The following LRRC38 variants were observed in gnomAD, a reference collection of about 807,000 sequenced individuals.
The protein encoded by LRRC38 is leucine rich repeat containing 38.
LRRC38 carries 5 observed loss-of-function variants against 16.4 expected under a neutral mutation model. That is an observed-to-expected ratio of 0.31 (90% confidence interval 0.16 to 0.64). The LOEUF is 0.64. LRRC38 is among the 30% of genes least tolerant of loss of function. The pLI is 0.80. For synonymous variants in LRRC38, 191 were observed against 190.2 expected (o/e 1.00, Z -0.04); for missense variants, 341 against 401.8 (o/e 0.85, Z 1.29).
At chr1:13,505,929 G>A (rs76751934) in intron 1 of LRRC38, among the ~76,000 whole-genome samples, 5,336 of 98,774 alleles carry the variant, frequency 0.054, 144 homozygotes, top group East Asian at 0.36. Flanking sequence ...AAGTGATAAG[G>A]AGGGGCCCGT....
chr1:13,512,922 C>CCCCCCCA, intron 1 of LRRC38, 41 bp downstream of exon 1: 3 of 1,218,340 alleles, frequency 2.5e-6, no homozygotes, highest in Non-Finnish European at 3.4e-6. Context: ...CCTCTCCCTG[C>CCCCCCCA]CCCCCTCCCT....
chr1:13,508,644 C>T (rs1424600405), intron 1 of LRRC38, among the ~76,000 whole-genome samples: 2 of 152,202 alleles, frequency 1.3e-5, no homozygotes, highest in African/African-American at 4.8e-5. Context: ...TTCGGCATTT[C>T]CCCAGTCTAA....
At chr1:13,505,936 C>CCGTCTGGGCTGTGGGGGGGAGCT (rs1639207215) in intron 1 of LRRC38, among the ~76,000 whole-genome samples, 1 of 149,120 alleles carries the variant, frequency 6.7e-6, no homozygotes, top group African/African-American at 2.5e-5. Flanking sequence ...AAGGAGGGGC[C>CCGTCTGGGCTGTGGGGGGGAGCT]CGTCTGGGCT....
Position 13,495,639 on chromosome 1 carries a change from G to A in LRRC38, c.631+17324C>T, listed in dbSNP as rs144645943. On this transcript the variant is annotated intron_variant, in intron 1 of 1. Transcript: ENST00000376085. Reference sequence around the variant, plus strand: ...AGAATCACAGGACTCAAGCACCCTGGGCAGAAATCCCACCCAACACCTGAT... The same window carrying A: ...AGAATCACAGGACTCAAGCACCCTGAGCAGAAATCCCACCCAACACCTGAT... Among the ~76,000 whole-genome samples, 187 of 152,076 alleles carry A rather than the reference G, an allele frequency of 1.2e-3. 1 individual carries two copies. Among genetic ancestry groups the A allele is most frequent in the African/African-American group, 4.3e-3 (180 of 41,470 alleles).
At chr1:13,485,683 C>T (rs2100495964) in intron 1 of LRRC38, among the ~76,000 whole-genome samples, 1 of 152,278 alleles carries the variant, frequency 6.6e-6, no homozygotes, top group South Asian at 2.1e-4. Flanking sequence ...GTTTGGGGCC[C>T]ATGCTACCTC....
At chr1:13,506,443 A>T (rs973188795) in intron 1 of LRRC38, among the ~76,000 whole-genome samples, 2 of 151,952 alleles carry the variant, frequency 1.3e-5, no homozygotes, top group Admixed American at 1.3e-4. Flanking sequence ...GTCCTGATGC[A>T]TTTCTTTTTC....
intron 1 of LRRC38, among the ~76,000 whole-genome samples, chr1:13,482,701 T>C (rs984590391): frequency 2.6e-5 from 4 of 151,940 alleles, no homozygotes; most frequent in African/African-American, 9.7e-5. Context: ...ATGCGGCACA[T>C]GGAGGTGACC....
chr1:13,476,361 C>T (rs1386005286), intron 1 of LRRC38, among the ~76,000 whole-genome samples: 8 of 151,758 alleles, frequency 5.3e-5, no homozygotes, highest in African/African-American at 1.2e-4. Context: ...GTTTTTGAGA[C>T]GGAGTCTCTG....
At chr1:13,491,274 G>A (rs551160616) in intron 1 of LRRC38, among the ~76,000 whole-genome samples, 12 of 152,298 alleles carry the variant, frequency 7.9e-5, no homozygotes, top group East Asian at 3.9e-4. Context: ...CGCAGCAGCC[G>A]TGCTGAGCAT....
At position 13,513,015 on chromosome 1, in the gene LRRC38, G is replaced by GTCACAGTC. The variant is rs746772387; in HGVS notation, c.571_578dup (p.Asp193GlufsTer131). 6.5e-7 allele frequency: 1 copy of GTCACAGTC among 1,549,442 alleles called. No individual in the cohort carries two copies. The highest frequency in any genetic ancestry group is 1.2e-5 in the South Asian group (1 of 83,952). ...GGATCCAGGAGAAGAGGTGGGCGAA[G>GTCACAGTC]TCACAGTCGCACAGCCAGGGGTTCC... is the stretch of plus-strand genomic sequence containing the variant. On this transcript the variant is annotated frameshift_variant, in exon 1 of 2. Coordinates refer to ENST00000376085, the MANE Select transcript of LRRC38 (RefSeq NM_001010847.2). LOFTEE classifies it high-confidence loss of function.
At chr1:13,485,964 G>C (rs939320147) in intron 1 of LRRC38, among the ~76,000 whole-genome samples, 1 of 152,032 alleles carries the variant, frequency 6.6e-6, no homozygotes, top group Non-Finnish European at 1.5e-5. Flanking sequence ...ACGGAGTCTC[G>C]CTCTGTCACC....
Position 13,493,730 on chromosome 1 carries a change from G to C in LRRC38, c.632-17631C>G, listed in dbSNP as rs79406002. On this transcript the variant is annotated intron_variant, in intron 1 of 1. Transcript: ENST00000376085. ...GAGGAGTGCTGGAAGCCTCTAACCT[G>C]GAAAGGCAAAAGGACACAGATGTCG... Among the ~76,000 whole-genome samples the C allele has an allele frequency of 7.3e-3, 1,113 of 152,250 alleles. 16 individuals are homozygous for C. Among genetic ancestry groups the C allele is most frequent in the African/African-American group, 0.026 (1,071 of 41,536 alleles).
At position 13,513,481 on chromosome 1, in the gene LRRC38, T is replaced by C; in HGVS notation, c.113A>G (p.His38Arg). The C allele has an allele frequency of 6.5e-7, 1 of 1,538,634 alleles. No individual in the cohort carries two copies. The highest frequency in any genetic ancestry group is 2.5e-5 in the East Asian group (1 of 40,664). ...CPAGCACTDPHTVDCRDRGLP... is the reference protein window; with the variant it reads ...CPAGCACTDPRTVDCRDRGLP... ...CCCGCGGTCGCGGCAGTCCACGGTG[T>C]GCGGGTCGGTGCAGGCGCAGCCCGC... The change falls in exon 1 of 2, where the codon CAC becomes CGC. Residue 38 changes from histidine to arginine, a missense_variant. By Grantham distance (29) the His-to-Arg change is conservative. Coordinates refer to ENST00000376085, the MANE Select transcript of LRRC38 (RefSeq NM_001010847.2).
intron 1 of LRRC38, among the ~76,000 whole-genome samples, chr1:13,505,076 G>C (rs1325386096): frequency 6.6e-6 from 1 of 152,138 alleles, no homozygotes; most frequent in Admixed American, 6.5e-5. Context: ...GATGACATTG[G>C]TTTGTTTCTG....
rs997933387 is a variant in LRRC38 at position 13,487,601 on chromosome 1, C to T, written c.632-11502G>A. Among the ~76,000 whole-genome samples, 5 of 152,224 alleles carry T rather than the reference C, an allele frequency of 3.3e-5. No individual in the cohort carries two copies. The highest frequency in any genetic ancestry group is 1.2e-4 in the African/African-American group (5 of 41,460). ...AGACAGGCATCTCCCTTGTGCAGGG[C>T]GGCTCCGTGGCCTGCCCGTCACCAC... On this transcript the variant is annotated intron_variant, in intron 1 of 1. Transcript: ENST00000376085. This position sits in a 1 kb window ranked among gnomAD's most constrained non-coding sequence, Gnocchi z 4.4.
intron 1 of LRRC38, among the ~76,000 whole-genome samples, chr1:13,489,938 GTCC>G (rs1638987628): frequency 6.6e-6 from 1 of 152,134 alleles, no homozygotes; most frequent in Non-Finnish European, 1.5e-5. Flanking sequence ...CACAGAGTGT[GTCC>G]TGTAGAAGGG....
At position 13,475,714 on chromosome 1, in the gene LRRC38, A is replaced by G. The variant is rs993869022; in HGVS notation, c.*132T>C. The stretch of plus-strand genomic sequence containing the variant: ...GTCCCAGCAGGTGTACCCAGGGGCC[A>G]AGACACGGAACAGGCTCTGTTCAGT... On this transcript the variant is annotated 3_prime_UTR_variant, in exon 2 of 2. Transcript: ENST00000376085. This position sits in a 1 kb window ranked among gnomAD's most constrained non-coding sequence, Gnocchi z 4.3. 2.3e-5 allele frequency: 28 copies of G among 1,216,998 alleles called. No homozygotes were observed. Among genetic ancestry groups the G allele is most frequent in the Non-Finnish European group, 3.1e-5 (28 of 890,782 alleles). The allele number at this position is 1,216,998 out of a possible 1,614,324, so 75.4% of individuals were successfully genotyped here.
chr1:13,492,606 G>A (rs1639027412), intron 1 of LRRC38, among the ~76,000 whole-genome samples: 1 of 152,030 alleles, frequency 6.6e-6, no homozygotes, highest in African/African-American at 2.4e-5. Context: ...GGAGGCTAAG[G>A]TACAAGAATC....
In LRRC38 at chr1:13,513,289, C is replaced by T. The variant is rs1387392188; in HGVS notation, c.305G>A (p.Gly102Asp). 2 of 1,550,738 alleles carry T rather than the reference C, an allele frequency of 1.3e-6. No homozygotes were observed. The highest frequency in any genetic ancestry group is 1.7e-6 in the Non-Finnish European group (2 of 1,147,018). ...LRSLEEGTFS[G>D]SAKLVFLDLS... ...GTCGAGGAACACGAGCTTGGCCGAG[C>T]CGCTGAACGTGCCCTCCTCCAGCGA... The change falls in exon 1 of 2, where the codon GGC becomes GAC. Residue 102 changes from glycine to aspartate, a missense_variant. By Grantham distance (94) the Gly-to-Asp change is moderately conservative. Coordinates refer to ENST00000376085, the MANE Select transcript of LRRC38 (RefSeq NM_001010847.2).
Sources: gnomAD v4.1 joint callset for allele counts (sites outside exome capture counted in the v4.1 genomes callset) on GRCh38, gnomAD v4.1.1 for gene constraint, Gnocchi (gnomAD v3.1) non-coding constraint, MANE v1.5 for transcripts, NCBI Gene and HGNC (gene_info 2026-07-23, HGNC 2026-07-21) for gene names.